The following CLCA2 variants were observed in gnomAD, a reference collection of about 807,000 sequenced individuals.
The protein encoded by CLCA2 is chloride channel accessory 2.
A neutral mutation model predicts 82.9 loss-of-function variants in CLCA2; 85 were observed. The ratio of observed to expected loss-of-function variants is 1.03; its 90% CI spans 0.86 to 1.23. The LOEUF is 1.23. Among genes scored for constraint, CLCA2 ranks in the 50% most tolerant of loss-of-function variants. CLCA2 has a pLI of 0.00. For synonymous variants in CLCA2, 421 were observed against 391.7 expected (o/e 1.07, Z -0.88); for missense variants, 1,089 against 1,124.8 (o/e 0.97, Z 0.45).
intron 11 of CLCA2, among the ~76,000 whole-genome samples, chr1:86,449,786 G>A (rs1368890067): frequency 6.6e-6 from 1 of 152,168 alleles, no homozygotes; most frequent in East Asian, 1.9e-4. Context: ...AATGGCAAAA[G>A]TGATCTATAC....
rs762876725 is a variant in CLCA2, at chr1:86,439,020, C to T, written c.1117C>T (p.Arg373Ter). 14 of 1,613,972 alleles carry T rather than the reference C, an allele frequency of 8.7e-6. No homozygotes were observed. Among genetic ancestry groups the T allele is most frequent in the South Asian group, 4.4e-5 (4 of 91,080 alleles). Residue 373 changes from arginine (R) to a stop codon, truncating the protein, a stop_gained, in exon 7 of 14, where the codon CGA becomes TGA. Transcript: ENST00000370565. LOFTEE classifies it high-confidence loss of function. Reference sequence around the variant, plus strand: ...ACACCAAATTAACAGCAATGATGATCGAAAGTTGCTGGTTTCATATCTGCC... The same window carrying T: ...ACACCAAATTAACAGCAATGATGATTGAAAGTTGCTGGTTTCATATCTGCC... Reference protein sequence around the residue: ...QLHQINSNDDRKLLVSYLPTT... With the variant: ...QLHQINSNDD
chr1:86,432,655 A>G, intron 5 of CLCA2, 127 bp downstream of exon 5: 1 of 1,084,846 alleles, frequency 9.2e-7, no homozygotes, highest in South Asian at 1.9e-5. Context: ...GAGTTCATCT[A>G]GTTTTTATCT....
At position 86,455,759 on chromosome 1, in the gene CLCA2, G is replaced by A. The variant is rs1663064843; in HGVS notation, c.*232G>A. Reference sequence around the variant, plus strand: ...AATAAAAATTATTCTTTAAAGTAATGTCTTTAAAGGCAAAGGGAAGGGTAA... The same window carrying A: ...AATAAAAATTATTCTTTAAAGTAATATCTTTAAAGGCAAAGGGAAGGGTAA... On this transcript the variant is annotated 3_prime_UTR_variant, in exon 14 of 14. Transcript: ENST00000370565. 1 of 248,232 alleles carries A rather than the reference G, an allele frequency of 4.0e-6. No homozygotes were observed. The highest frequency in any genetic ancestry group is 5.4e-5 in the Admixed American group (1 of 18,584). 15.4% of individuals were successfully genotyped at this position (248,232 alleles called of 1,614,324 possible).
chr1:86,436,696 C>A (rs753583350), intron 6 of CLCA2, among the ~76,000 whole-genome samples: 1 of 151,686 alleles, frequency 6.6e-6, no homozygotes, highest in Non-Finnish European at 1.5e-5. Context: ...TTGACTAGGG[C>A]ATTTTGTTGT....
intron 5 of CLCA2, among the ~76,000 whole-genome samples, chr1:86,434,213 T>G (rs1285869746): frequency 6.6e-6 from 1 of 151,982 alleles, no homozygotes; most frequent in Admixed American, 6.6e-5. Context: ...GGGAGATTGT[T>G]TTGTTTTGTT....
At chr1:86,431,346 T>C (rs1040581776) in intron 4 of CLCA2, among the ~76,000 whole-genome samples, 36 of 152,224 alleles carry the variant, frequency 2.4e-4, no homozygotes, top group African/African-American at 8.7e-4. Context: ...CGCTCTGTGT[T>C]TTATAATTGC....
chr1:86,455,094 A>G lies in CLCA2; in HGVS notation c.2399A>G (p.Tyr800Cys). The G allele has an allele frequency of 2.0e-6, 3 of 1,516,936 alleles. No individual in the cohort carries two copies. Among genetic ancestry groups the G allele is most frequent in the South Asian group, 2.6e-5 (2 of 76,842 alleles). 94.0% of individuals were successfully genotyped at this position (1,516,936 alleles called of 1,614,324 possible). The change falls in exon 14 of 14, where the codon TAT (tyrosine) becomes TGT (cysteine). Residue 800 changes from tyrosine to cysteine, a missense_variant. Coordinates refer to ENST00000370565, the MANE Select transcript of CLCA2 (RefSeq NM_006536.7). The stretch of plus-strand genomic sequence containing the variant: ...TATTTTTTAATTTCAGCTACAAGCT[A>G]TGAAATAAGAATGAGTAAAAGTCTA... ...EDFDQGQATSYEIRMSKSLQN... is the reference protein window; with the variant it reads ...EDFDQGQATSCEIRMSKSLQN...
Position 86,455,360 on chromosome 1 carries a change from C to T in CLCA2, c.2665C>T (p.Pro889Ser), listed in dbSNP as rs1229792964. 2.5e-6 allele frequency: 4 copies of T among 1,611,342 alleles called. No homozygotes were observed. The highest frequency in any genetic ancestry group is 3.4e-6 in the Non-Finnish European group (4 of 1,179,102). The change falls in exon 14 of 14, where the codon CCC becomes TCC. Residue 889 changes from proline (P) to serine (S), a missense_variant. Transcript: ENST00000370565. ...SNIAQAPLFI[P>S]PNSDPVPARD... ...CATTGCCCAGGCGCCTCTGTTTATT[C>T]CCCCCAATTCTGATCCTGTACCTGC... is the stretch of plus-strand genomic sequence containing the variant.
Position 86,432,464 on chromosome 1 carries a change from C to T in CLCA2, c.680C>T (p.Thr227Ile), listed in dbSNP as rs1227171232. 5 of 1,613,844 alleles carry T rather than the reference C, an allele frequency of 3.1e-6. No individual in the cohort carries two copies. The African/African-American group carries it at 6.7e-5, about 22-fold the overall frequency. ...IISKLFKEGC[T>I]FIYNSTQNAT... The stretch of plus-strand genomic sequence containing the variant: ...AGTAAGCTTTTTAAAGAAGGATGCA[C>T]CTTTATCTACAATAGCACCCAAAAT... Residue 227 changes from threonine to isoleucine, a missense_variant, in exon 5 of 14, where the codon ACC becomes ATC. Thr to Ile is a moderately conservative substitution (Grantham distance 89, BLOSUM62 -1). Transcript: ENST00000370565.
At chr1:86,450,489 T>C in intron 11 of CLCA2, 74 bp from the exon 12 acceptor site, 1 of 1,193,822 alleles carries the variant, frequency 8.4e-7, no homozygotes, top group Non-Finnish European at 1.2e-6. Context: ...GGAGTAAATC[T>C]CATTTTTAAT....
chr1:86,428,474 A>G lies in CLCA2; in HGVS notation c.381A>G (p.Leu127=). The change falls in exon 3 of 14, where the codon CTA becomes CTG. Residue 127 remains leucine, a synonymous_variant. Transcript: ENST00000370565. ...CACATGGAGATGATCCATACACCCT[A>G]CAATACAGAGGGTGTGGAAAAGAGG... ...YGAHGDDPYT[L]QYRGCGKEGK... 1.2e-6 allele frequency: 2 copies of G among 1,613,364 alleles called. No homozygotes were observed. The highest frequency in any genetic ancestry group is 1.7e-6 in the Non-Finnish European group (2 of 1,179,380).
intron 8 of CLCA2, among the ~76,000 whole-genome samples, chr1:86,441,106 C>T (rs1192785872): frequency 3.3e-5 from 5 of 152,066 alleles, no homozygotes; most frequent in African/African-American, 1.2e-4. Context: ...TAAATGTAAA[C>T]ATATAGGGAT....
rs1227408974 is a variant in CLCA2 at position 86,429,604 on chromosome 1, G to T, written c.475+1036G>T. Among the ~76,000 whole-genome samples, 3 of 152,154 alleles carry T rather than the reference G, an allele frequency of 2.0e-5. 1 individual carries two copies. The highest frequency in any genetic ancestry group is 2.0e-4 in the Admixed American group (3 of 15,278). The stretch of plus-strand genomic sequence containing the variant: ...AGTCAGGGTCATAGGCCTAGAGACT[G>T]GTATTTAGTGAGTGAGATCTGAGGG... On this transcript the variant is annotated intron_variant, in intron 3 of 13. Transcript: ENST00000370565.
Position 86,448,036 on chromosome 1 carries a change from C to A in CLCA2, c.1984+258C>A, listed in dbSNP as rs896058371. On this transcript the variant is annotated intron_variant, in intron 11 of 13. Transcript: ENST00000370565. ...GGAGGCAGCCGCTGGACACCTTGGT[C>A]CTGGCTTCCACTTGCTGAGGTCATA... 13 of 484,204 alleles carry A rather than the reference C, an allele frequency of 2.7e-5. No homozygotes were observed. In the South Asian group the frequency reaches 3.1e-4, roughly 12 times the overall value. 30.0% of individuals were successfully genotyped at this position (484,204 alleles called of 1,614,324 possible). A position where few individuals can be genotyped will look rare whatever the true frequency, so the allele number is the denominator to read the frequency against.
In CLCA2 at chr1:86,434,631, C is replaced by T. The variant is rs756166912; in HGVS notation, c.858C>T (p.His286=). 6.2e-7 allele frequency: 1 copy of T among 1,614,098 alleles called. No individual in the cohort carries two copies. Among genetic ancestry groups the T allele is most frequent in the Non-Finnish European group, 8.5e-7 (1 of 1,179,968 alleles). ...WDVITDSADF[H]HSFPMNGTEL... ...TAATCACAGACTCTGCTGACTTTCA[C>T]CACAGCTTTCCCATGAATGGGACTG... Residue 286 remains histidine (H), a synonymous_variant, in exon 6 of 14, where the codon CAC becomes CAT. Transcript: ENST00000370565.
intron 8 of CLCA2, 41 bp downstream of exon 8, chr1:86,440,366 T>A (rs1409173399): frequency 6.4e-7 from 1 of 1,555,698 alleles, no homozygotes. Flanking sequence ...AGCATGTCCC[T>A]TTAACTTGAC....
chr1:86,448,717 G>C (rs897989334), intron 11 of CLCA2, among the ~76,000 whole-genome samples: 1 of 152,196 alleles, frequency 6.6e-6, no homozygotes, highest in African/African-American at 2.4e-5. Context: ...TGATGTGCAG[G>C]AAAACAAAAG....
intron 10 of CLCA2, among the ~76,000 whole-genome samples, chr1:86,444,462 A>G (rs957735236): frequency 1.6e-4 from 24 of 152,192 alleles, no homozygotes; most frequent in Non-Finnish European, 1.5e-4. Flanking sequence ...ACAGGGTACT[A>G]TCAGAACATA....
chr1:86,451,953 C>G (rs1400980434), intron 12 of CLCA2, among the ~76,000 whole-genome samples: 5 of 152,000 alleles, frequency 3.3e-5, no homozygotes, highest in Admixed American at 1.3e-4. Flanking sequence ...AATCCATATG[C>G]CTTTAATAAC....
Sources: gnomAD v4.1 joint callset for allele counts (sites outside exome capture counted in the v4.1 genomes callset) on GRCh38, gnomAD v4.1.1 for gene constraint, MANE v1.5 for transcripts, NCBI Gene and HGNC (gene_info 2026-07-23, HGNC 2026-07-21) for gene names.